Variants in CPB1 observed in about 807,000 individuals in gnomAD.
CPB1 encodes carboxypeptidase B.
Under a neutral mutation model 51.4 loss-of-function variants are expected in CPB1, and 53 were observed. That is an observed-to-expected ratio of 1.03 (90% CI 0.83 to 1.30). The LOEUF (loss-of-function observed/expected upper bound fraction) is 1.30. Ranked by LOEUF, CPB1 falls within the 50% of genes most tolerant of loss-of-function variation. The pLI is 0.00. For synonymous variants in CPB1, 189 were observed against 186.9 expected (o/e 1.01, Z -0.09); for missense variants, 494 against 516.2 (o/e 0.96, Z 0.42).
At chr3:148,836,157 CG>C (rs1025837643) in intron 3 of CPB1, among the ~76,000 whole-genome samples, 8 of 151,452 alleles carry the variant, frequency 5.3e-5, no homozygotes, top group African/African-American at 1.4e-4. Flanking sequence ...GGAGATTATA[CG>C]TTTTTTTTTT....
At chr3:148,835,113 A>C (rs181693200) in intron 3 of CPB1, among the ~76,000 whole-genome samples, 5 of 152,280 alleles carry the variant, frequency 3.3e-5, no homozygotes, top group African/African-American at 1.2e-4. Context: ...CTCTAATGGT[A>C]GGAGAAGGCA....
At chr3:148,848,397 T>C (rs1420295582) in intron 9 of CPB1, among the ~76,000 whole-genome samples, 1 of 152,110 alleles carries the variant, frequency 6.6e-6, no homozygotes, top group Admixed American at 6.5e-5. Context: ...ATTAGGAACA[T>C]GATTTCTTGC....
intron 6 of CPB1, 62 bp downstream of exon 6, chr3:148,841,986 T>A: frequency 8.1e-7 from 1 of 1,240,714 alleles, no homozygotes; most frequent in Non-Finnish European, 1.2e-6. Context: ...AATTAATTCC[T>A]TAAAACCTAG....
chr3:148,840,888 TCAA>T lies in CPB1; in HGVS notation c.391_393del (p.Gln131del). 2 of 1,614,168 alleles carry T rather than the reference TCAA, an allele frequency of 1.2e-6. No individual in the cohort carries two copies. The highest frequency in any genetic ancestry group is 1.7e-6 in the Non-Finnish European group (2 of 1,180,012). The stretch of plus-strand genomic sequence containing the variant: ...CCATTTGGTAGATAGAGGCTTGGAC[TCAA>T]CAAGTCGCCACTGAGAATCCAGCCC... On this transcript the variant is annotated inframe_deletion, in exon 5 of 11. Transcript: ENST00000282957.
chr3:148,845,938 CA>C (rs1244496202), intron 9 of CPB1, among the ~76,000 whole-genome samples: 5 of 152,088 alleles, frequency 3.3e-5, no homozygotes, highest in African/African-American at 7.2e-5. Context: ...AGATAATCAA[CA>C]AAGTTGCTTG....
In CPB1 at chr3:148,860,122, G is replaced by T. The variant is rs780115798; in HGVS notation, c.*120G>T. On this transcript the variant is annotated 3_prime_UTR_variant, in exon 11 of 11. Coordinates refer to ENST00000282957, the MANE Select transcript of CPB1 (RefSeq NM_001871.3). ...CCCAATCTTTCTTTTAAGCTTCTGG[G>T]TCTATTAAACTAGGTAGATCTTTTC... 1.4e-5 allele frequency: 13 copies of T among 948,368 alleles called. No individual in the cohort carries two copies. The highest frequency in any genetic ancestry group is 1.7e-5 in the Non-Finnish European group (11 of 633,388). The allele number at this position is 948,368 out of a possible 1,614,324, so 58.7% of individuals were successfully genotyped here.
At chr3:148,847,092 TA>T (rs1212532042) in intron 9 of CPB1, among the ~76,000 whole-genome samples, 1 of 150,322 alleles carries the variant, frequency 6.7e-6, no homozygotes, top group African/African-American at 2.4e-5. Flanking sequence ...TTAATTAAAA[TA>T]AAAAAATTAC....
At position 148,857,517 on chromosome 3, in the gene CPB1, T is replaced by C. The variant is rs1249906544; in HGVS notation, c.1042T>C (p.Tyr348His). The change falls in exon 10 of 11, where the codon TAT (tyrosine) becomes CAT (histidine). Residue 348 changes from tyrosine to histidine, a missense_variant. Transcript: ENST00000282957. Reference sequence around the variant, plus strand: ...CTCACTGCACGGCACCAAGTACACATATGGCCCGGGAGCTACAACAATCTG... The same window carrying C: ...CTCACTGCACGGCACCAAGTACACACATGGCCCGGGAGCTACAACAATCTG... ...LASLHGTKYT[Y>H]GPGATTIYPA... The C allele has an allele frequency of 1.9e-6, 3 of 1,613,776 alleles. No individual in the cohort carries two copies. Among genetic ancestry groups the C allele is most frequent in the Middle Eastern group, 1.6e-4 (1 of 6,084 alleles).
intron 10 of CPB1, among the ~76,000 whole-genome samples, chr3:148,858,996 A>T (rs1437204134): frequency 6.6e-6 from 1 of 152,190 alleles, no homozygotes; most frequent in Non-Finnish European, 1.5e-5. Flanking sequence ...TATTATTTTT[A>T]AAAAACTGCT....
chr3:148,830,677 C>G (rs982354676), intron 2 of CPB1, among the ~76,000 whole-genome samples: 2 of 152,102 alleles, frequency 1.3e-5, no homozygotes, highest in South Asian at 2.1e-4. Flanking sequence ...GAAGGTATTT[C>G]TGTTTAAATC....
intron 2 of CPB1, 37 bp from the exon 3 acceptor site, chr3:148,834,461 A>T (rs922824774): frequency 2.5e-6 from 4 of 1,589,256 alleles, no homozygotes; most frequent in Non-Finnish European, 3.5e-6. Context: ...TCATCCATTG[A>T]ATTATAGGTA....
chr3:148,831,832 G>A (rs1008870713), intron 2 of CPB1, among the ~76,000 whole-genome samples: 1 of 151,952 alleles, frequency 6.6e-6, no homozygotes, highest in African/African-American at 2.4e-5. Flanking sequence ...CATTCACAAG[G>A]TCCTGGTAAT....
chr3:148,828,892 C>G (rs1712649134), intron 2 of CPB1, among the ~76,000 whole-genome samples: 1 of 152,278 alleles, frequency 6.6e-6, no homozygotes, highest in South Asian at 2.1e-4. Flanking sequence ...ATCACAGGCT[C>G]AGAAGTTCAG....
intron 3 of CPB1, among the ~76,000 whole-genome samples, chr3:148,837,432 T>C (rs1712936259): frequency 6.6e-6 from 1 of 151,662 alleles, no homozygotes; most frequent in African/African-American, 2.4e-5. Flanking sequence ...AGACATTGTG[T>C]TCCTTACTTT....
chr3:148,854,464 C>T lies in CPB1; in HGVS notation c.982-2993C>T, dbSNP rs1713520112. 3 of 148,926 alleles carry T rather than the reference C, an allele frequency of 2.0e-5. No individual in the cohort carries two copies. In the South Asian group the frequency reaches 6.4e-4, roughly 32 times the overall value. 9.2% of individuals were successfully genotyped at this position (148,926 alleles called of 1,614,324 possible). Reference sequence around the variant, plus strand: ...GGGGCTAAGAGAAAGGATTCATAGACTTTTTTTTTTAATTAATAGAAATAA... The same window carrying T: ...GGGGCTAAGAGAAAGGATTCATAGATTTTTTTTTTTAATTAATAGAAATAA... On this transcript the variant is annotated intron_variant, in intron 9 of 10. Transcript: ENST00000282957.
Position 148,840,972 on chromosome 3 carries a change from G to A in CPB1, c.471G>A (p.Leu157=), listed in dbSNP as rs1448535716. The change falls in exon 5 of 11, where the codon CTG becomes CTA. Residue 157 remains leucine (L), a synonymous_variant. Transcript: ENST00000282957. ...TTFEGRAIYL[L]KVGKAGQNKP... is the part of the protein sequence containing the mutation. Reference sequence around the variant, plus strand: ...TTGAGGGACGCGCTATTTACCTCCTGAAGGTAATCATTTTTAACCATGACC... The same window carrying A: ...TTGAGGGACGCGCTATTTACCTCCTAAAGGTAATCATTTTTAACCATGACC... The A allele has an allele frequency of 6.2e-7, 1 of 1,613,306 alleles. No individual in the cohort carries two copies. The highest frequency in any genetic ancestry group is 1.7e-5 in the Admixed American group (1 of 60,004).
intron 10 of CPB1, among the ~76,000 whole-genome samples, chr3:148,858,396 C>T (rs969503243): frequency 6.6e-6 from 1 of 151,996 alleles, no homozygotes; most frequent in African/African-American, 2.4e-5. Flanking sequence ...CATGGTGAAA[C>T]CCCACCTCTA....
At chr3:148,846,807 A>G (rs1469601963) in intron 9 of CPB1, among the ~76,000 whole-genome samples, 7,735 of 72,760 alleles carry the variant, frequency 0.11, 906 homozygotes, top group Middle Eastern at 0.15. Flanking sequence ...GTATATATAT[A>G]TATATATATA....
intron 9 of CPB1, chr3:148,855,756 C>T (rs1359286584): frequency 1.3e-5 from 2 of 152,108 alleles, no homozygotes; most frequent in Non-Finnish European, 2.9e-5. Context: ...TGAAGTAAAG[C>T]CTGAAGAAGG....
Sources: gnomAD v4.1 joint callset for allele counts (sites outside exome capture counted in the v4.1 genomes callset) on GRCh38, gnomAD v4.1.1 for gene constraint, MANE v1.5 for transcripts, NCBI Gene and HGNC (gene_info 2026-07-23, HGNC 2026-07-21) for gene names.